The following PPP2R3A variants were observed in gnomAD, a reference collection of about 807,000 sequenced individuals.
The protein encoded by PPP2R3A is protein phosphatase 2 regulatory subunit B''alpha.
Under a neutral mutation model 106.9 loss-of-function variants are expected in PPP2R3A, and 80 were observed. That is an observed-to-expected ratio of 0.75 (90% confidence interval 0.62 to 0.90). The LOEUF is 0.90. Among genes scored for constraint, PPP2R3A ranks in the 40% least tolerant of loss-of-function variants. The pLI is 0.00. For missense variants in PPP2R3A, 1,386 were observed against 1,350.4 expected (o/e 1.03, Z -0.41); for synonymous variants, 483 against 468.3 (o/e 1.03, Z -0.41).
At chr3:136,121,530 C>A (rs1413671981) in intron 13 of PPP2R3A, among the ~76,000 whole-genome samples, 1 of 152,084 alleles carries the variant, frequency 6.6e-6, no homozygotes, top group Admixed American at 6.6e-5. Flanking sequence ...CACAACCCAG[C>A]AACATGCAAT....
At chr3:135,979,257 C>T (rs2107756813) in intron 1 of PPP2R3A, among the ~76,000 whole-genome samples, 1 of 151,404 alleles carries the variant, frequency 6.6e-6, no homozygotes, top group Middle Eastern at 3.4e-3. Context: ...CACACACCTG[C>T]AATCCCAGCT....
At chr3:135,973,284 A>C (rs1009721438) in intron 1 of PPP2R3A, among the ~76,000 whole-genome samples, 1 of 152,192 alleles carries the variant, frequency 6.6e-6, no homozygotes, top group South Asian at 2.1e-4. Flanking sequence ...ATAGGAGAGG[A>C]TATATGTATT....
intron 1 of PPP2R3A, among the ~76,000 whole-genome samples, chr3:135,983,747 A>G (rs569059479): frequency 1.3e-4 from 20 of 152,250 alleles, no homozygotes; most frequent in Admixed American, 8.5e-4. Flanking sequence ...ATGTAATTCT[A>G]TTTCTGGATA....
At chr3:135,987,849 G>A (rs150408087) in intron 1 of PPP2R3A, among the ~76,000 whole-genome samples, 2 of 152,280 alleles carry the variant, frequency 1.3e-5, no homozygotes, top group African/African-American at 4.8e-5. Flanking sequence ...ATTGCATGGT[G>A]CAGATATAAA....
At chr3:136,009,106 C>G (rs968157740) in intron 2 of PPP2R3A, among the ~76,000 whole-genome samples, 1 of 152,082 alleles carries the variant, frequency 6.6e-6, no homozygotes, top group Admixed American at 6.6e-5. Context: ...GCAAAGTTTC[C>G]TATGTCATAT....
chr3:136,077,492 A>C (rs1936634892), intron 6 of PPP2R3A, among the ~76,000 whole-genome samples: 2 of 151,158 alleles, frequency 1.3e-5, no homozygotes, highest in African/African-American at 4.9e-5. Context: ...ATAAAAGCAG[A>C]ATGCACCCCC....
At chr3:136,144,822 A>G (rs1939041492) in intron 13 of PPP2R3A, among the ~76,000 whole-genome samples, 1 of 152,174 alleles carries the variant, frequency 6.6e-6, no homozygotes, top group African/African-American at 2.4e-5. Context: ...AACATTTTCA[A>G]CAAATTCTGA....
intron 2 of PPP2R3A, among the ~76,000 whole-genome samples, chr3:136,020,975 A>G (rs918866124): frequency 2.6e-5 from 4 of 152,096 alleles, no homozygotes; most frequent in Admixed American, 1.3e-4. Context: ...CTAAATTTTG[A>G]GATGGATCTT....
intron 9 of PPP2R3A, 147 bp downstream of exon 9, chr3:136,088,078 A>G (rs1937002398): frequency 1.6e-6 from 1 of 609,498 alleles, no homozygotes; most frequent in Admixed American, 3.4e-5. Context: ...AATACAAGAC[A>G]GTAATTCTTT....
At chr3:136,040,988 A>T in intron 4 of PPP2R3A, 26 bp downstream of exon 4, 4 of 1,585,270 alleles carry the variant, frequency 2.5e-6, no homozygotes, top group Non-Finnish European at 2.6e-6. Context: ...GTCTCTCTGG[A>T]GCTAGGCAAA....
chr3:135,991,770 C>G (rs1933174498), intron 1 of PPP2R3A, among the ~76,000 whole-genome samples: 1 of 152,202 alleles, frequency 6.6e-6, no homozygotes, highest in African/African-American at 2.4e-5. Context: ...CTAGTCAGTG[C>G]AGAAGCTGAC....
chr3:136,124,091 A>G (rs893012870), intron 13 of PPP2R3A, among the ~76,000 whole-genome samples: 1 of 152,232 alleles, frequency 6.6e-6, no homozygotes, highest in South Asian at 2.1e-4. Context: ...GGGAACACCA[A>G]AATATTTGGA....
intron 13 of PPP2R3A, among the ~76,000 whole-genome samples, chr3:136,143,384 G>T (rs1379988820): frequency 6.6e-6 from 1 of 152,142 alleles, no homozygotes; most frequent in Non-Finnish European, 1.5e-5. Flanking sequence ...CCTGCTTCTT[G>T]GGAGGCTGAG....
chr3:136,088,659 G>T lies in PPP2R3A; in HGVS notation c.2837+728G>T, dbSNP rs542901245. Among the ~76,000 whole-genome samples the T allele has an allele frequency of 2.0e-5, 3 of 152,262 alleles. No individual in the cohort carries two copies. In the East Asian group the frequency reaches 5.8e-4, roughly 29 times the overall value. ...ATGGTAGTTCTGTTTTAAGTTCTCTGAGAAATCAACTGCTCTCCACCACAG... is the reference window on the plus strand; with the variant it reads ...ATGGTAGTTCTGTTTTAAGTTCTCTTAGAAATCAACTGCTCTCCACCACAG... On this transcript the variant is annotated intron_variant, in intron 9 of 13. Transcript: ENST00000264977.
At chr3:136,137,596 C>CAG (rs1938676226) in intron 13 of PPP2R3A, among the ~76,000 whole-genome samples, 1 of 124,770 alleles carries the variant, frequency 8.0e-6, no homozygotes, top group African/African-American at 3.1e-5. Flanking sequence ...GGCTGGAGTG[C>CAG]AGTAGCGCGA....
intron 6 of PPP2R3A, among the ~76,000 whole-genome samples, chr3:136,074,123 G>A (rs1936525176): frequency 6.6e-6 from 1 of 152,198 alleles, no homozygotes; most frequent in Non-Finnish European, 1.5e-5. Flanking sequence ...GCATGCTAGT[G>A]TTACTCAGTT....
At chr3:136,012,362 AG>A (rs1290804927) in intron 2 of PPP2R3A, among the ~76,000 whole-genome samples, 1 of 152,210 alleles carries the variant, frequency 6.6e-6, no homozygotes, top group African/African-American at 2.4e-5. Context: ...AACACTGAAA[AG>A]CAAAAACACC....
chr3:136,013,348 T>C (rs1934158077), intron 2 of PPP2R3A, among the ~76,000 whole-genome samples: 1 of 152,144 alleles, frequency 6.6e-6, no homozygotes, highest in African/African-American at 2.4e-5. Context: ...TATAATGACT[T>C]CTCTTCCTCT....
intron 1 of PPP2R3A, among the ~76,000 whole-genome samples, chr3:135,977,579 G>A (rs368015007): frequency 1.3e-5 from 2 of 151,334 alleles, no homozygotes; most frequent in Non-Finnish European, 2.9e-5. Context: ...GAGCATGTGT[G>A]CAACACGTGT....
Sources: gnomAD v4.1 joint callset for allele counts (sites outside exome capture counted in the v4.1 genomes callset) on GRCh38, gnomAD v4.1.1 for gene constraint, MANE v1.5 for transcripts, NCBI Gene and HGNC (gene_info 2026-07-23, HGNC 2026-07-21) for gene names.